Variants in RPL27 observed in about 807,000 individuals in gnomAD.
The protein encoded by RPL27 is ribosomal protein L27.
For synonymous variants in RPL27, 77 were observed against 61.0 expected (o/e 1.26, Z -1.22); for missense variants, 131 against 174.3 (o/e 0.75, Z 1.40).
chr17:43,001,058 G>A (rs2050356063), intron 3 of RPL27, among the ~76,000 whole-genome samples: 1 of 145,422 alleles, frequency 6.9e-6, no homozygotes, highest in Non-Finnish European at 1.5e-5. Context: ...TCAAAGAGGT[G>A]CAAGGCCGGG....
chr17:43,002,617 G>A lies in RPL27; in HGVS notation c.252-56G>A, dbSNP rs540646187. The stretch of plus-strand genomic sequence containing the variant: ...CTAGTGTCCCACAAGGATTTGGGCT[G>A]TATAGGGGCCCCGGCAGTATGTGGG... On this transcript the variant is annotated intron_variant, in intron 3 of 4. Coordinates refer to ENST00000253788, the MANE Select transcript of RPL27 (RefSeq NM_000988.5). The A allele has an allele frequency of 7.1e-5, 72 of 1,014,920 alleles. No homozygotes were observed. In the African/African-American group the frequency reaches 7.9e-4, roughly 11 times the overall value. 62.9% of individuals were successfully genotyped at this position (1,014,920 alleles called of 1,614,324 possible).
At chr17:43,002,630 G>A (rs745328354) in intron 3 of RPL27, 43 bp from the exon 4 acceptor site, 19 of 1,253,270 alleles carry the variant, frequency 1.5e-5, no homozygotes, top group Admixed American at 5.0e-5. Context: ...TAGGGGCCCC[G>A]GCAGTATGTG....
At chr17:43,001,300 T>C (rs1278532365) in intron 3 of RPL27, among the ~76,000 whole-genome samples, 1 of 149,924 alleles carries the variant, frequency 6.7e-6, no homozygotes, top group Non-Finnish European at 1.5e-5. Context: ...GCTGCTGGTA[T>C]TGCACATTTA....
intron 3 of RPL27, among the ~76,000 whole-genome samples, chr17:43,002,016 C>A (rs1435058656): frequency 4.7e-5 from 7 of 150,242 alleles, no homozygotes; most frequent in Non-Finnish European, 1.0e-4. Context: ...AGGGCGTGAA[C>A]CTAGGAGGCG....
Position 43,001,867 on chromosome 17 carries a change from G to A in RPL27, c.252-806G>A, listed in dbSNP as rs965250373. Reference sequence around the variant, plus strand: ...AGCACTTTGGGAGGCCGAGGCAAGCGGATCACGAGATCAGGAGATCGAGAC... The same window carrying A: ...AGCACTTTGGGAGGCCGAGGCAAGCAGATCACGAGATCAGGAGATCGAGAC... On this transcript the variant is annotated intron_variant, in intron 3 of 4. Coordinates refer to ENST00000253788, the MANE Select transcript of RPL27 (RefSeq NM_000988.5). Among the ~76,000 whole-genome samples the A allele has an allele frequency of 1.4e-4, 22 of 151,768 alleles. No individual in the cohort carries two copies. The South Asian group carries it at 2.3e-3, about 16-fold the overall frequency.
chr17:43,001,921 C>G (rs2050366371), intron 3 of RPL27, among the ~76,000 whole-genome samples: 1 of 150,968 alleles, frequency 6.6e-6, no homozygotes, highest in Admixed American at 6.6e-5. Flanking sequence ...GAAACCCCGT[C>G]TCTACTGAAA....
At chr17:42,999,702 C>T (rs1293620357) in intron 2 of RPL27, 8 of 507,850 alleles carry the variant, frequency 1.6e-5, no homozygotes, top group Non-Finnish European at 2.1e-5. Context: ...TTAACTGTTG[C>T]TACTTTTAAA....
chr17:42,999,960 C>A lies in RPL27; in HGVS notation c.109C>A (p.Pro37Thr), dbSNP rs2151965092. ...CATTGATGATGGCACCTCAGATCGC[C>A]CCTACAGCCATGCTCTGGTGGCTGG... The part of the protein sequence containing the change: ...KNIDDGTSDR[P>T]YSHALVAGID... The change falls in exon 3 of 5, where the codon CCC becomes ACC. Residue 37 changes from proline (P) to threonine (T), a missense_variant. Coordinates refer to ENST00000253788, the MANE Select transcript of RPL27 (RefSeq NM_000988.5). The A allele has an allele frequency of 1.2e-6, 2 of 1,611,930 alleles. No individual in the cohort carries two copies. Among genetic ancestry groups the A allele is most frequent in the East Asian group, 4.5e-5 (2 of 44,894 alleles).
intron 3 of RPL27, 142 bp downstream of exon 3, chr17:43,000,244 C>T (rs2050345239): frequency 5.9e-6 from 4 of 679,548 alleles, no homozygotes; most frequent in Non-Finnish European, 1.0e-5. Flanking sequence ...GCTATGGTTT[C>T]CAGTTTTGCC....
chr17:43,002,276 C>A (rs540139283), intron 3 of RPL27, among the ~76,000 whole-genome samples: 4 of 151,772 alleles, frequency 2.6e-5, no homozygotes, highest in Non-Finnish European at 5.9e-5. Context: ...GAGGCCAAGG[C>A]GGGCGGATCA....
chr17:43,002,822 C>A, intron 4 of RPL27, 39 bp downstream of exon 4: 2 of 1,603,344 alleles, frequency 1.2e-6, no homozygotes, highest in East Asian at 4.5e-5. Context: ...AGTATGGTTT[C>A]ACTATTTCCA....
rs375025835 is a variant in RPL27, at chr17:43,000,063, T to A, written c.212T>A (p.Phe71Tyr). ...KIAKRSKIKS[F>Y]VKVYNYNHLM... ...GCCAAGAGATCAAAGATAAAATCTT[T>A]TGTGAAAGTGTATAACTACAATCAC... Residue 71 changes from phenylalanine (F) to tyrosine (Y), a missense_variant, in exon 3 of 5, where the codon TTT becomes TAT. Coordinates refer to ENST00000253788, the MANE Select transcript of RPL27 (RefSeq NM_000988.5). 6 of 1,613,124 alleles carry A rather than the reference T, an allele frequency of 3.7e-6. 1 individual carries two copies. In the African/African-American group the frequency reaches 8.0e-5, roughly 22 times the overall value.
intron 2 of RPL27, 61 bp from the exon 3 acceptor site, chr17:42,999,872 C>A: frequency 7.0e-7 from 1 of 1,431,242 alleles, no homozygotes; most frequent in Non-Finnish European, 9.8e-7. Flanking sequence ...ACTGCACTAC[C>A]TCTAACACAG....
chr17:42,998,546 C>T (rs1190154988), intron 1 of RPL27, 75 bp downstream of exon 1: 4 of 461,946 alleles, frequency 8.7e-6, no homozygotes, highest in African/African-American at 4.1e-5. Flanking sequence ...CGGGCGGCGC[C>T]GGGTGCATTC....
intron 3 of RPL27, among the ~76,000 whole-genome samples, chr17:43,000,511 A>G (rs1440505374): frequency 2.1e-5 from 3 of 139,536 alleles, no homozygotes; most frequent in African/African-American, 8.0e-5. Flanking sequence ...GGAGTCGCCC[A>G]GGTTGGAGTG....
Position 42,998,738 on chromosome 17 carries a change from GCT to G in RPL27, c.-2-6_-2-5del, listed in dbSNP as rs1246986471. On this transcript the variant is annotated splice_polypyrimidine_tract_variant and intron_variant, in intron 1 of 4. Coordinates refer to ENST00000253788, the MANE Select transcript of RPL27 (RefSeq NM_000988.5). ...GATTTTTAAGTGGCCCTTTCTCCTT[GCT>G]CTCTGCAGAAATGGGCAAGTTCATG... is the stretch of plus-strand genomic sequence containing the variant. The G allele has an allele frequency of 1.9e-6, 3 of 1,610,328 alleles. No individual in the cohort carries two copies. In the Admixed American group the frequency reaches 5.0e-5, roughly 27 times the overall value.
intron 2 of RPL27, 142 bp downstream of exon 2, chr17:42,998,973 G>T: frequency 1.6e-6 from 1 of 635,410 alleles, no homozygotes; most frequent in East Asian, 2.8e-5. Flanking sequence ...GAGTTTTTGA[G>T]AGAGGAAGAA....
chr17:43,001,709 G>A (rs1401974888), intron 3 of RPL27, among the ~76,000 whole-genome samples: 1 of 151,742 alleles, frequency 6.6e-6, no homozygotes, highest in Non-Finnish European at 1.5e-5. Context: ...TGTTTGGGCT[G>A]TCATGAGAGT....
intron 3 of RPL27, 47 bp downstream of exon 3, chr17:43,000,149 T>C: frequency 1.4e-6 from 2 of 1,447,662 alleles, no homozygotes; most frequent in African/African-American, 1.4e-5. Context: ...CCCTGCTCTG[T>C]TGAATAATGA....
Sources: allele counts gnomAD v4.1 joint callset (sites outside exome capture counted in the v4.1 genomes callset), GRCh38; gene constraint gnomAD v4.1.1; transcripts MANE v1.5; gene names NCBI Gene and HGNC (gene_info 2026-07-23, HGNC 2026-07-21).